PCDH15: variants seen among roughly 807,000 people sequenced by gnomAD.
PCDH15 encodes the protein protocadherin related 15.
Under a neutral mutation model 178.5 loss-of-function variants are expected in PCDH15, and 129 were observed. The ratio of observed to expected loss-of-function variants is 0.72; its 90% CI spans 0.63 to 0.84. The LOEUF (loss-of-function observed/expected upper bound fraction) is 0.84. Among genes scored for constraint, PCDH15 ranks in the 40% least tolerant of loss-of-function variants. PCDH15 has a pLI of 0.00. For missense variants in PCDH15, 2,230 were observed against 2,099.9 expected, an observed-to-expected ratio of 1.06 and a Z score of -1.21; for synonymous variants, 800 against 732.0, an observed-to-expected ratio of 1.09 and a Z score of -1.50.
chr10:55,551,421 C>A (rs941388908), intron 2 of PCDH15, among the ~76,000 whole-genome samples: 3 of 151,700 alleles, frequency 2.0e-5, no homozygotes, highest in East Asian at 3.9e-4. Flanking sequence ...GAATCCATTA[C>A]AATATTCTTC....
intron 15 of PCDH15, among the ~76,000 whole-genome samples, chr10:54,122,830 C>T (rs998757001): frequency 1.3e-5 from 2 of 150,682 alleles, no homozygotes; most frequent in Non-Finnish European, 3.0e-5. Context: ...TAAATCTAAC[C>T]AAGGAGGTAA....
At chr10:54,693,107 C>T (rs1404070300) in intron 1 of PCDH15, among the ~76,000 whole-genome samples, 2 of 152,002 alleles carry the variant, frequency 1.3e-5, no homozygotes, top group Non-Finnish European at 2.9e-5. Flanking sequence ...TGTAGAGTAA[C>T]TCCCACTTAT....
At chr10:54,217,926 T>A (rs1295911631) in intron 9 of PCDH15, among the ~76,000 whole-genome samples, 1 of 152,310 alleles carries the variant, frequency 6.6e-6, no homozygotes, top group East Asian at 1.9e-4. Context: ...TTTTTGTTTT[T>A]TTGTTTTTTA....
intron 26 of PCDH15, among the ~76,000 whole-genome samples, chr10:53,882,193 C>G (rs530292083): frequency 6.6e-6 from 1 of 152,100 alleles, no homozygotes; most frequent in South Asian, 2.1e-4. Context: ...CTTGCTGGCT[C>G]CTTGCTTCTA....
intron 2 of PCDH15, among the ~76,000 whole-genome samples, chr10:55,365,355 T>G (rs1845329230): frequency 6.6e-6 from 1 of 152,188 alleles, no homozygotes; most frequent in South Asian, 2.1e-4. Context: ...ACTGTCCTTC[T>G]CCTTTCCCCT....
intron 2 of PCDH15, among the ~76,000 whole-genome samples, chr10:55,434,072 CTTTTCTTTT>C (rs1245843824): frequency 6.0e-5 from 5 of 84,006 alleles, no homozygotes; most frequent in African/African-American, 2.2e-4. Flanking sequence ...TTTTTCTTTT[CTTTTCTTTT>C]TTTTTTTTTT....
intron 15 of PCDH15, among the ~76,000 whole-genome samples, chr10:54,120,471 A>G (rs1304970029): frequency 1.3e-5 from 2 of 152,170 alleles, no homozygotes; most frequent in Non-Finnish European, 2.9e-5. Flanking sequence ...CAGAGTGGCA[A>G]GTTGGATTAA....
At chr10:55,558,630 C>T (rs2132095982) in intron 2 of PCDH15, among the ~76,000 whole-genome samples, 1 of 152,152 alleles carries the variant, frequency 6.6e-6, no homozygotes, top group South Asian at 2.1e-4. Flanking sequence ...TATTTATTAG[C>T]TTTATACAAT....
intron 2 of PCDH15, among the ~76,000 whole-genome samples, chr10:55,045,299 A>C (rs1840971466): frequency 6.6e-6 from 1 of 151,998 alleles, no homozygotes; most frequent in Non-Finnish European, 1.5e-5. Context: ...TTTGTTCTTT[A>C]TTCATTTTAT....
At chr10:54,551,079 T>C (rs1047444167) in intron 2 of PCDH15, among the ~76,000 whole-genome samples, 2 of 133,714 alleles carry the variant, frequency 1.5e-5, no homozygotes, top group African/African-American at 5.7e-5. Flanking sequence ...CTCCTGTACC[T>C]GGGAGGCAGA....
intron 2 of PCDH15, among the ~76,000 whole-genome samples, chr10:54,917,982 C>T (rs1591782552): frequency 6.7e-6 from 1 of 149,508 alleles, no homozygotes; most frequent in East Asian, 2.0e-4. Flanking sequence ...TAAAATTTCT[C>T]TCACTTACGA....
chr10:54,779,000 T>C (rs1340265890), intron 1 of PCDH15, among the ~76,000 whole-genome samples: 1 of 152,082 alleles, frequency 6.6e-6, no homozygotes, highest in Admixed American at 6.6e-5. Flanking sequence ...ATGCTGCTCG[T>C]GTGTGAAGGG....
intron 2 of PCDH15, among the ~76,000 whole-genome samples, chr10:54,621,007 C>A (rs2093333895): frequency 6.6e-6 from 1 of 151,864 alleles, no homozygotes; most frequent in Admixed American, 6.6e-5. Flanking sequence ...TTTAGGAGGA[C>A]ACAAAAATAG....
At chr10:55,167,559 G>T (rs940392291) in intron 1 of PCDH15, among the ~76,000 whole-genome samples, 1 of 152,054 alleles carries the variant, frequency 6.6e-6, no homozygotes, top group Admixed American at 6.6e-5. Flanking sequence ...ATATAAAATT[G>T]AAGTTATAAA....
intron 3 of PCDH15, among the ~76,000 whole-genome samples, chr10:54,382,824 C>T (rs1353377907): frequency 5.9e-5 from 9 of 152,112 alleles, no homozygotes; most frequent in African/African-American, 2.2e-4. Context: ...CTCAAAGAAA[C>T]TATCAAATAA....
intron 2 of PCDH15, among the ~76,000 whole-genome samples, chr10:55,544,924 G>T (rs1360810891): frequency 4.6e-5 from 7 of 152,058 alleles, no homozygotes; most frequent in African/African-American, 1.7e-4. Context: ...GTATAAGGCA[G>T]ATCTCACAGC....
chr10:55,284,020 C>T (rs1038941531), intron 1 of PCDH15, among the ~76,000 whole-genome samples: 11 of 146,386 alleles, frequency 7.5e-5, no homozygotes, highest in Non-Finnish European at 1.6e-4. Flanking sequence ...TCAATCTTGA[C>T]TCTTAAGTCA....
At chr10:54,807,400 A>G (rs1274628547) in intron 3 of PCDH15, among the ~76,000 whole-genome samples, 4 of 152,156 alleles carry the variant, frequency 2.6e-5, no homozygotes, top group African/African-American at 9.6e-5. Context: ...TTCCAAAAAT[A>G]AACCAAAATA....
chr10:54,445,628 A>G (rs932099439), intron 3 of PCDH15, among the ~76,000 whole-genome samples: 1 of 151,606 alleles, frequency 6.6e-6, no homozygotes, highest in Non-Finnish European at 1.5e-5. Context: ...CACAGTTTCT[A>G]ATAAATGTCT....
Sources: allele counts gnomAD v4.1 joint callset (sites outside exome capture counted in the v4.1 genomes callset), GRCh38; gene constraint gnomAD v4.1.1; transcripts MANE v1.5; gene names NCBI Gene and HGNC (gene_info 2026-07-23, HGNC 2026-07-21).